Variants in ACTR3B observed in about 807,000 individuals in gnomAD.
ACTR3B encodes the protein actin-related protein 3B.
A neutral mutation model predicts 59.0 loss-of-function variants in ACTR3B; 8 were observed. The ratio of observed to expected loss-of-function variants is 0.14; its 90% CI spans 0.08 to 0.24. The LOEUF is 0.24. Among genes scored for constraint, ACTR3B ranks in the 10% least tolerant of loss-of-function variants. ACTR3B has a pLI of 1.00. For synonymous variants in ACTR3B, 148 were observed against 197.9 expected, an observed-to-expected ratio of 0.75 and a Z score of 2.12; for missense variants, 245 against 552.3, an observed-to-expected ratio of 0.44 and a Z score of 5.58.
intron 2 of ACTR3B, among the ~76,000 whole-genome samples, chr7:152,791,982 C>T (rs1396701810): frequency 1.3e-5 from 2 of 152,072 alleles, no homozygotes; most frequent in Non-Finnish European, 2.9e-5. Context: ...ACCTCAGCCT[C>T]CTGGGTTCAA....
At chr7:152,810,410 T>TG (rs1412863384) in intron 4 of ACTR3B, among the ~76,000 whole-genome samples, 4 of 124,882 alleles carry the variant, frequency 3.2e-5, no homozygotes, top group Non-Finnish European at 6.6e-5. Context: ...CCCAGCCTGT[T>TG]TTTTTTTTTT....
In ACTR3B at chr7:152,763,313, CAAAAAAAAAAAAA is replaced by C. The variant is rs925259822; in HGVS notation, c.44+3405_44+3417del. On this transcript the variant is annotated intron_variant, in intron 1 of 11. Transcript: ENST00000256001. ...CTGGTGACAGAGCGAGACTCCATCT[CAAAAAAAAAAAAA>C]AAAAAAAAAAAAAAAAAGTCATTTG... is the stretch of plus-strand genomic sequence containing the variant. 1.9e-3 allele frequency among the ~76,000 whole-genome samples: 39 copies of C among 20,504 alleles called. 3 individuals carry two copies. Among genetic ancestry groups the C allele is most frequent in the East Asian group, 2.3e-3 (2 of 882 alleles). 13.5% of individuals were successfully genotyped at this position (20,504 alleles called of 152,430 possible). A position where few individuals can be genotyped will look rare whatever the true frequency, so the allele number is the denominator to read the frequency against.
chr7:152,826,203 T>C (rs1193250956), intron 9 of ACTR3B, among the ~76,000 whole-genome samples: 2 of 152,162 alleles, frequency 1.3e-5, no homozygotes, highest in Non-Finnish European at 2.9e-5. Context: ...TAAATTCAGA[T>C]GAAAAGATAG....
intron 1 of ACTR3B, among the ~76,000 whole-genome samples, chr7:152,769,774 G>T: frequency 6.6e-6 from 1 of 150,776 alleles, no homozygotes; most frequent in African/African-American, 2.4e-5. Flanking sequence ...TTTTATTTGT[G>T]GCTGTTTTCT....
At position 152,765,298 on chromosome 7, in the gene ACTR3B, A is replaced by G. The variant is rs574231309; in HGVS notation, c.44+5372A>G. Among the ~76,000 whole-genome samples, 4 of 151,572 alleles carry G rather than the reference A, an allele frequency of 2.6e-5. No homozygotes were observed. In the East Asian group the frequency reaches 7.8e-4, roughly 29 times the overall value. Reference sequence around the variant, plus strand: ...ATGCCCGGCTAATTTTGTATTTTTAATAGAGACGGGGTTTCTCCATGTTGG... The same window carrying G: ...ATGCCCGGCTAATTTTGTATTTTTAGTAGAGACGGGGTTTCTCCATGTTGG... On this transcript the variant is annotated intron_variant, in intron 1 of 11. Coordinates refer to ENST00000256001, the MANE Select transcript of ACTR3B (RefSeq NM_020445.6).
chr7:152,841,485 A>G (rs1395630085), intron 9 of ACTR3B, among the ~76,000 whole-genome samples: 1 of 151,566 alleles, frequency 6.6e-6, no homozygotes, highest in Non-Finnish European at 1.5e-5. Flanking sequence ...CTTCTTAAAT[A>G]GTAAAGGGTT....
chr7:152,846,542 C>T (rs1798310413), intron 9 of ACTR3B, among the ~76,000 whole-genome samples: 1 of 129,544 alleles, frequency 7.7e-6, no homozygotes, highest in African/African-American at 3.0e-5. Flanking sequence ...GTGTAGTGAG[C>T]CCCAGCGCCC....
intron 9 of ACTR3B, among the ~76,000 whole-genome samples, chr7:152,835,180 G>A (rs1408167529): frequency 6.6e-6 from 1 of 152,208 alleles, no homozygotes; most frequent in African/African-American, 2.4e-5. Context: ...GGGTCTCCAC[G>A]TGGGCTGAGC....
intron 9 of ACTR3B, among the ~76,000 whole-genome samples, chr7:152,851,099 A>C (rs1193299607): frequency 1.3e-5 from 2 of 152,192 alleles, no homozygotes; most frequent in East Asian, 1.9e-4. Flanking sequence ...ACCGAATCCT[A>C]TATATACTGT....
intron 2 of ACTR3B, among the ~76,000 whole-genome samples, chr7:152,788,085 C>G (rs1217528578): frequency 1.8e-5 from 2 of 113,014 alleles, no homozygotes; most frequent in African/African-American, 9.8e-5. Context: ...CCACCACGTC[C>G]AGCTAATTTT....
At chr7:152,845,517 T>G (rs1798200596) in intron 9 of ACTR3B, among the ~76,000 whole-genome samples, 2 of 152,228 alleles carry the variant, frequency 1.3e-5, no homozygotes, top group Admixed American at 1.3e-4. Context: ...GCTGGACACT[T>G]GGAGCTCCCA....
intron 9 of ACTR3B, among the ~76,000 whole-genome samples, chr7:152,834,174 C>CA (rs1233021844): frequency 6.9e-6 from 1 of 145,518 alleles, no homozygotes; most frequent in Non-Finnish European, 1.5e-5. Context: ...TTTTTTGAGA[C>CA]AGAGTTTTCG....
At chr7:152,780,967 T>C (rs1336336895) in intron 1 of ACTR3B, among the ~76,000 whole-genome samples, 2 of 151,832 alleles carry the variant, frequency 1.3e-5, no homozygotes, top group Non-Finnish European at 2.9e-5. Context: ...TGCCTCAGTC[T>C]ATTATCCCCA....
chr7:152,831,813 T>C (rs1168049349), intron 9 of ACTR3B, among the ~76,000 whole-genome samples: 6 of 152,114 alleles, frequency 3.9e-5, no homozygotes, highest in Non-Finnish European at 8.8e-5. Context: ...TGGGATGCGC[T>C]TGGGGCCAGA....
At chr7:152,778,988 A>G (rs2098143307) in intron 1 of ACTR3B, among the ~76,000 whole-genome samples, 1 of 129,002 alleles carries the variant, frequency 7.8e-6, no homozygotes, top group Non-Finnish European at 1.6e-5. Flanking sequence ...AAAAAAAAGG[A>G]CATATGAGTT....
intron 9 of ACTR3B, among the ~76,000 whole-genome samples, chr7:152,828,752 G>A (rs1296793657): frequency 6.6e-6 from 1 of 152,080 alleles, no homozygotes; most frequent in African/African-American, 2.4e-5. Context: ...CTCTCCAGGA[G>A]TGATGGTGCC....
chr7:152,777,796 C>G (rs1394247244), intron 1 of ACTR3B, among the ~76,000 whole-genome samples: 1 of 151,944 alleles, frequency 6.6e-6, no homozygotes, highest in Admixed American at 6.6e-5. Flanking sequence ...ACTAAAAATA[C>G]AAAAATTAGC....
chr7:152,825,160 C>T (rs1459795717), intron 9 of ACTR3B, 38 bp downstream of exon 9: 24 of 1,595,692 alleles, frequency 1.5e-5, no homozygotes, highest in South Asian at 2.3e-5. Flanking sequence ...GATTTCATTC[C>T]ACAATTAAAG....
At chr7:152,803,314 T>G (rs2098242730) in intron 4 of ACTR3B, among the ~76,000 whole-genome samples, 1 of 152,198 alleles carries the variant, frequency 6.6e-6, no homozygotes, top group Non-Finnish European at 1.5e-5. Flanking sequence ...TCCCAAAGCG[T>G]TGGGATTATA....
Sources: gnomAD v4.1 joint callset for allele counts (sites outside exome capture counted in the v4.1 genomes callset) on GRCh38, gnomAD v4.1.1 for gene constraint, MANE v1.5 for transcripts, NCBI Gene and HGNC (gene_info 2026-07-23, HGNC 2026-07-21) for gene names.